SESTD1: variants seen among roughly 807,000 people sequenced by gnomAD.
SESTD1 encodes SEC14 and spectrin domain containing 1.
A neutral mutation model predicts 101.7 loss-of-function variants in SESTD1; 43 were observed. That is an observed-to-expected ratio of 0.42 (90% CI 0.33 to 0.55). The LOEUF (loss-of-function observed/expected upper bound fraction) is 0.55. Ranked by LOEUF, SESTD1 falls within the 20% of genes least tolerant of loss-of-function variation. The pLI, the probability that SESTD1 is intolerant of heterozygous loss-of-function variation, is 0.07. For missense variants in SESTD1, 647 were observed against 815.1 expected (o/e 0.79, Z 2.51); for synonymous variants, 283 against 286.8 (o/e 0.99, Z 0.13).
chr2:179,243,233 A>G (rs150903513), intron 1 of SESTD1, among the ~76,000 whole-genome samples: 48 of 152,290 alleles, frequency 3.2e-4, no homozygotes, highest in African/African-American at 1.0e-3. Context: ...CAGAATGGCT[A>G]TTATTAAAAA....
chr2:179,238,228 T>C (rs1045033429), intron 1 of SESTD1, among the ~76,000 whole-genome samples: 5 of 152,212 alleles, frequency 3.3e-5, no homozygotes, highest in Middle Eastern at 3.4e-3. Flanking sequence ...AGAGGATAGG[T>C]TGGCCTTGCT....
At position 179,131,598 on chromosome 2, in the gene SESTD1, G is replaced by C. The variant is rs186728194; in HGVS notation, c.972+706C>G. Among the ~76,000 whole-genome samples the C allele has an allele frequency of 2.1e-3, 312 of 152,100 alleles. 1 individual carries two copies. The highest frequency in any genetic ancestry group is 0.016 in the South Asian group (79 of 4,804). ...CAAAGTAATATGACCTTAGGGAGAG[G>C]GGGGTGAGCTACCCCGTCCACAAAC... On this transcript the variant is annotated intron_variant, in intron 10 of 17. Transcript: ENST00000428443.
At chr2:179,130,605 ATTAT>A (rs1425144080) in intron 10 of SESTD1, among the ~76,000 whole-genome samples, 2 of 152,052 alleles carry the variant, frequency 1.3e-5, no homozygotes, top group African/African-American at 4.8e-5. Flanking sequence ...TCTAACTGTA[ATTAT>A]TTATCTTGGC....
chr2:179,197,898 C>T (rs2046430466), intron 1 of SESTD1, among the ~76,000 whole-genome samples: 1 of 151,888 alleles, frequency 6.6e-6, no homozygotes, highest in Non-Finnish European at 1.5e-5. Context: ...AAAACTGCAT[C>T]AACTAACGAG....
chr2:179,103,738 A>C lies in SESTD1; in HGVS notation c.*6161T>G, dbSNP rs1026587794. ...GAACAGTGGTTGCCTTTGAGGGTCAAGTAGGGACAGGAATTGACTGGAAAG... is the reference window on the plus strand; with the variant it reads ...GAACAGTGGTTGCCTTTGAGGGTCACGTAGGGACAGGAATTGACTGGAAAG... On this transcript the variant is annotated 3_prime_UTR_variant, in exon 18 of 18. Coordinates refer to ENST00000428443, the MANE Select transcript of SESTD1 (RefSeq NM_178123.5). 2 of 152,150 alleles carry C rather than the reference A, an allele frequency of 1.3e-5. No individual in the cohort carries two copies. The highest frequency in any genetic ancestry group is 4.8e-5 in the African/African-American group (2 of 41,430). 9.4% of individuals were successfully genotyped at this position (152,150 alleles called of 1,614,324 possible). A position where few individuals can be genotyped will look rare whatever the true frequency, so the allele number is the denominator to read the frequency against.
At position 179,225,948 on chromosome 2, in the gene SESTD1, A is replaced by C. The variant is rs549929436; in HGVS notation, c.-25-34082T>G. Among the ~76,000 whole-genome samples the C allele has an allele frequency of 2.2e-4, 33 of 152,274 alleles. No individual in the cohort carries two copies. The South Asian group carries it at 6.6e-3, about 31-fold the overall frequency. On this transcript the variant is annotated intron_variant, in intron 1 of 17. Transcript: ENST00000428443. Reference sequence around the variant, plus strand: ...ATTAAGATTTGCTTCAATAATGGAGAAGGAAGAATATGCATAAAACAGGAT... The same window carrying C: ...ATTAAGATTTGCTTCAATAATGGAGCAGGAAGAATATGCATAAAACAGGAT...
chr2:179,251,804 G>C (rs755379862), intron 1 of SESTD1, among the ~76,000 whole-genome samples: 1 of 152,074 alleles, frequency 6.6e-6, no homozygotes, highest in Non-Finnish European at 1.5e-5. Flanking sequence ...GCAAGAAGAT[G>C]GTCAACTACA....
intron 5 of SESTD1, among the ~76,000 whole-genome samples, chr2:179,161,810 A>G (rs1304611067): frequency 3.3e-5 from 5 of 152,174 alleles, no homozygotes; most frequent in African/African-American, 9.7e-5. Flanking sequence ...GCAACTATAT[A>G]TGAGAAAAAG....
At chr2:179,199,877 C>T (rs2046477572) in intron 1 of SESTD1, among the ~76,000 whole-genome samples, 1 of 152,116 alleles carries the variant, frequency 6.6e-6, no homozygotes, top group Non-Finnish European at 1.5e-5. Flanking sequence ...GACAGAGATG[C>T]CCTCTCTCAC....
In SESTD1 at chr2:179,178,619, G is replaced by T. The variant is rs193047267; in HGVS notation, c.165-2081C>A. Among the ~76,000 whole-genome samples the T allele has an allele frequency of 3.3e-5, 5 of 152,212 alleles. No individual in the cohort carries two copies. In the East Asian group the frequency reaches 7.7e-4, roughly 23 times the overall value. On this transcript the variant is annotated intron_variant, in intron 3 of 17. Transcript: ENST00000428443. ...TAGGAGAGGATACAAGCCCAAGAGTGATCAGCTAGGCAGGGTAGCTGGCTG... is the reference window on the plus strand; with the variant it reads ...TAGGAGAGGATACAAGCCCAAGAGTTATCAGCTAGGCAGGGTAGCTGGCTG...
chr2:179,170,836 C>A (rs999168520), intron 5 of SESTD1, among the ~76,000 whole-genome samples: 4 of 152,160 alleles, frequency 2.6e-5, no homozygotes, highest in African/African-American at 9.7e-5. Context: ...TGTACACAGG[C>A]CATGAGGGTG....
chr2:179,181,668 G>A (rs769243683), intron 3 of SESTD1, among the ~76,000 whole-genome samples: 2 of 152,078 alleles, frequency 1.3e-5, no homozygotes, highest in African/African-American at 2.4e-5. Context: ...CATAACCTCA[G>A]AGTTTCAATT....
intron 1 of SESTD1, among the ~76,000 whole-genome samples, chr2:179,227,432 T>C (rs1380873802): frequency 6.6e-6 from 1 of 152,186 alleles, no homozygotes; most frequent in Non-Finnish European, 1.5e-5. Flanking sequence ...AGAGAAAATT[T>C]TGGGATTCCT....
At chr2:179,255,152 A>T (rs987160412) in intron 1 of SESTD1, among the ~76,000 whole-genome samples, 1 of 152,172 alleles carries the variant, frequency 6.6e-6, no homozygotes, top group African/African-American at 2.4e-5. Flanking sequence ...AGGAGACACA[A>T]TAATACTGAA....
At chr2:179,206,152 A>G (rs1171517120) in intron 1 of SESTD1, among the ~76,000 whole-genome samples, 1 of 135,620 alleles carries the variant, frequency 7.4e-6, no homozygotes, top group Non-Finnish European at 1.6e-5. Flanking sequence ...AATAGGAGAC[A>G]GGACTAACGT....
At position 179,254,092 on chromosome 2, in the gene SESTD1, C is replaced by T. The variant is rs190175380; in HGVS notation, c.-26+10407G>A. ...TTCAGCCTGGGTGGCAGAGTGAGACCTTGTCTCGAAAAAAAAATAAAATAA... is the reference window on the plus strand; with the variant it reads ...TTCAGCCTGGGTGGCAGAGTGAGACTTTGTCTCGAAAAAAAAATAAAATAA... On this transcript the variant is annotated intron_variant, in intron 1 of 17. Coordinates refer to ENST00000428443, the MANE Select transcript of SESTD1 (RefSeq NM_178123.5). Among the ~76,000 whole-genome samples the T allele has an allele frequency of 2.7e-5, 4 of 149,788 alleles. No homozygotes were observed. In the East Asian group the frequency reaches 7.8e-4, roughly 29 times the overall value.
chr2:179,127,202 T>C (rs889666225), intron 10 of SESTD1, among the ~76,000 whole-genome samples: 1 of 152,216 alleles, frequency 6.6e-6, no homozygotes, highest in Non-Finnish European at 1.5e-5. Flanking sequence ...TCCTCAATCA[T>C]CTTCCTGTGC....
At chr2:179,117,843 A>G (rs1272180342) in intron 13 of SESTD1, among the ~76,000 whole-genome samples, 3 of 152,260 alleles carry the variant, frequency 2.0e-5, no homozygotes, top group Non-Finnish European at 4.4e-5. Context: ...CCTCTTAAAG[A>G]TAGCATGGAT....
intron 4 of SESTD1, among the ~76,000 whole-genome samples, chr2:179,173,798 ACACAC>A (rs79954064): frequency 0.055 from 8,388 of 152,264 alleles, 308 homozygotes; most frequent in South Asian, 0.14. Flanking sequence ...AAAAGCAGCC[ACACAC>A]CACACAATAT....
Sources: allele counts gnomAD v4.1 joint callset (sites outside exome capture counted in the v4.1 genomes callset), GRCh38; gene constraint gnomAD v4.1.1; transcripts MANE v1.5; gene names NCBI Gene and HGNC (gene_info 2026-07-23, HGNC 2026-07-21).